The following RHOU variants were observed in gnomAD, a reference collection of about 807,000 sequenced individuals.
RHOU encodes ras homolog family member U.
A neutral mutation model predicts 12.6 loss-of-function variants in RHOU; 8 were observed. The ratio of observed to expected loss-of-function variants is 0.64; its 90% CI spans 0.37 to 1.15. The LOEUF (loss-of-function observed/expected upper bound fraction) is 1.15. Among genes scored for constraint, RHOU ranks in the 50% most tolerant of loss-of-function variants. The pLI is 0.01. For missense variants in RHOU, 258 were observed against 347.0 expected (o/e 0.74, Z 2.04); for synonymous variants, 161 against 147.4 (o/e 1.09, Z -0.67).
chr1:228,742,375 C>T (rs748854527), intron 2 of RHOU, among the ~76,000 whole-genome samples: 52 of 152,308 alleles, frequency 3.4e-4, no homozygotes, highest in African/African-American at 1.0e-3. Flanking sequence ...TGGATGACCA[C>T]GGGAGAGCAT....
rs1662771004 is a variant in RHOU at position 228,743,701 on chromosome 1, C to T, written c.738C>T (p.Leu246=). Residue 246 remains leucine (L), a synonymous_variant, in exon 3 of 3, where the codon CTC becomes CTT. Coordinates refer to ENST00000366691, the MANE Select transcript of RHOU (RefSeq NM_021205.6). This position sits in a 1 kb window ranked among gnomAD's most constrained non-coding sequence, Gnocchi z 5.1. ...KSRTPDKMKN[L]SKSWWKKYCC... is the part of the protein sequence containing the mutation. The stretch of plus-strand genomic sequence containing the variant: ...GGACTCCAGATAAAATGAAAAACCT[C>T]TCCAAGTCCTGGTGGAAGAAGTACT... The T allele has an allele frequency of 1.2e-6, 2 of 1,613,684 alleles. No individual in the cohort carries two copies. The highest frequency in any genetic ancestry group is 8.5e-7 in the Non-Finnish European group (1 of 1,179,840).
At chr1:228,732,983 A>G (rs534083792), upstream of RHOU, among the ~76,000 whole-genome samples, 4 of 152,242 alleles carry the variant, frequency 2.6e-5, no homozygotes, top group Non-Finnish European at 5.9e-5. Flanking sequence ...ACTGCTTGAC[A>G]CACTTCTATG....
the RHOU span, among the ~76,000 whole-genome samples, chr1:228,663,634 T>TTC: frequency 7.5e-6 from 1 of 133,666 alleles, no homozygotes; most frequent in East Asian, 2.1e-4. Flanking sequence ...TCTTTTTTTT[T>TTC]TTTTTTTTTT....
At chr1:228,693,237 C>T in the RHOU span, among the ~76,000 whole-genome samples, 1 of 152,170 alleles carries the variant, frequency 6.6e-6, no homozygotes, top group Non-Finnish European at 1.5e-5. Flanking sequence ...TTGCTGACAC[C>T]TGATTCCAGC....
the RHOU span, among the ~76,000 whole-genome samples, chr1:228,663,967 C>T: frequency 8.7e-6 from 1 of 114,586 alleles, no homozygotes; most frequent in African/African-American, 3.3e-5. Context: ...CTCCCCTCCC[C>T]TCCCCTCCCC....
At chr1:228,708,421 A>G in the RHOU span, among the ~76,000 whole-genome samples, 2 of 151,662 alleles carry the variant, frequency 1.3e-5, no homozygotes, top group Admixed American at 1.3e-4. Context: ...AGGTCGGGTT[A>G]CCCTCAAAGG....
chr1:228,731,404 T>C (rs182885224), upstream of RHOU, among the ~76,000 whole-genome samples: 36 of 152,168 alleles, frequency 2.4e-4, no homozygotes, highest in African/African-American at 8.4e-4. Context: ...ACTGATTCAG[T>C]TGAGCCCAGA....
the RHOU span, among the ~76,000 whole-genome samples, chr1:228,654,215 C>G: frequency 6.6e-6 from 1 of 151,786 alleles, no homozygotes; most frequent in Non-Finnish European, 1.5e-5. Flanking sequence ...TCAAGTGATT[C>G]TCTTGCCTCC....
the RHOU span, among the ~76,000 whole-genome samples, chr1:228,657,357 A>G: frequency 1.3e-5 from 2 of 151,728 alleles, no homozygotes; most frequent in South Asian, 4.1e-4. Flanking sequence ...GCAAATAGTG[A>G]CCAAAAGAGA....
rs984644561 is a variant in RHOU, at chr1:228,737,313, C to T, written c.263-360C>T. ...TGTGAGGTTTTCCACTGATTTAAAACTGCAGGGTTGCTTCCCATTTACCCC... is the reference window on the plus strand; with the variant it reads ...TGTGAGGTTTTCCACTGATTTAAAATTGCAGGGTTGCTTCCCATTTACCCC... On this transcript the variant is annotated intron_variant, in intron 1 of 2. Coordinates refer to ENST00000366691, the MANE Select transcript of RHOU (RefSeq NM_021205.6). This position sits in a 1 kb window ranked among gnomAD's most constrained non-coding sequence, Gnocchi z 4.1. 6.6e-6 allele frequency among the ~76,000 whole-genome samples: 1 copy of T among 152,230 alleles called. No individual in the cohort carries two copies. The highest frequency in any genetic ancestry group is 2.4e-5 in the African/African-American group (1 of 41,462).
Position 228,737,533 on chromosome 1 carries a change from G to T in RHOU, c.263-140G>T. 1.2e-6 allele frequency: 1 copy of T among 807,628 alleles called. No individual in the cohort carries two copies. The highest frequency in any genetic ancestry group is 2.1e-6 in the Non-Finnish European group (1 of 486,150). The allele number at this position is 807,628 out of a possible 1,614,324, so 50.0% of individuals were successfully genotyped here. ...CCTCCACAGGGCCTCCTTGTTTTTG[G>T]CTAGTCTTTAATTCATTAGAGGACC... On this transcript the variant is annotated intron_variant, in intron 1 of 2. Transcript: ENST00000366691. This position sits in a 1 kb window ranked among gnomAD's most constrained non-coding sequence, Gnocchi z 4.1.
At chr1:228,721,380 C>T in the RHOU span, among the ~76,000 whole-genome samples, 1 of 152,206 alleles carries the variant, frequency 6.6e-6, no homozygotes, top group East Asian at 1.9e-4. Context: ...ATTTAGAGGA[C>T]TCGAGAATAT....
At chr1:228,661,995 CAAA>C in the RHOU span, among the ~76,000 whole-genome samples, 6 of 152,238 alleles carry the variant, frequency 3.9e-5, no homozygotes, top group East Asian at 5.8e-4. Flanking sequence ...AAAAAACAAA[CAAA>C]CCCATCAAAA....
the RHOU span, among the ~76,000 whole-genome samples, chr1:228,708,278 C>A: frequency 2.0e-5 from 3 of 151,992 alleles, no homozygotes; most frequent in East Asian, 3.9e-4. Flanking sequence ...GCAAGGCAGG[C>A]CAACATTCAG....
chr1:228,726,207 C>G, the RHOU span, among the ~76,000 whole-genome samples: 5 of 152,128 alleles, frequency 3.3e-5, no homozygotes, highest in African/African-American at 1.2e-4. Context: ...CTCATGTGTA[C>G]TGTGTACCTC....
the RHOU span, among the ~76,000 whole-genome samples, chr1:228,690,315 A>C: frequency 6.6e-6 from 1 of 151,622 alleles, no homozygotes; most frequent in Non-Finnish European, 1.5e-5. Context: ...GCTGAAGATT[A>C]GTTTGTTTGT....
At chr1:228,712,716 C>T in the RHOU span, among the ~76,000 whole-genome samples, 1 of 149,268 alleles carries the variant, frequency 6.7e-6, no homozygotes, top group South Asian at 2.1e-4. Context: ...TGCTAGATGA[C>T]GAGTTAGTGG....
chr1:228,735,571 C>A lies in RHOU; in HGVS notation c.-172C>A. 1 of 395,406 alleles carries A rather than the reference C, an allele frequency of 2.5e-6. No individual in the cohort carries two copies. Among genetic ancestry groups the A allele is most frequent in the Non-Finnish European group, 4.0e-6 (1 of 248,122 alleles). The allele number at this position is 395,406 out of a possible 1,614,324, so 24.5% of individuals were successfully genotyped here. A position where few individuals can be genotyped will look rare whatever the true frequency, so the allele number is the denominator to read the frequency against. On this transcript the variant is annotated 5_prime_UTR_variant, in exon 1 of 3. Transcript: ENST00000366691. The surrounding 1 kb of genome is among the most constrained non-coding windows in gnomAD (Gnocchi z 8.1). Reference sequence around the variant, plus strand: ...CGCCGGAGCGCGGAGCCACGACCCTCCCTGGCCGCCTTTGTCTACTGGCCG... The same window carrying A: ...CGCCGGAGCGCGGAGCCACGACCCTACCTGGCCGCCTTTGTCTACTGGCCG...
chr1:228,683,793 G>A, the RHOU span, among the ~76,000 whole-genome samples: 2 of 152,202 alleles, frequency 1.3e-5, no homozygotes, highest in African/African-American at 4.8e-5. Context: ...AAGAAACTGT[G>A]CGGTGGGGGT....
Sources: allele counts gnomAD v4.1 joint callset (sites outside exome capture counted in the v4.1 genomes callset), GRCh38; gene constraint gnomAD v4.1.1; non-coding constraint Gnocchi (gnomAD v3.1); transcripts MANE v1.5; gene names NCBI Gene and HGNC (gene_info 2026-07-23, HGNC 2026-07-21).